Variants in FRMD4A observed in about 807,000 individuals in gnomAD.
The protein encoded by FRMD4A is FERM domain containing 4A.
FRMD4A carries 29 observed loss-of-function variants against 129.1 expected under a neutral mutation model. The ratio of observed to expected loss-of-function variants is 0.22; its 90% CI spans 0.17 to 0.31. The LOEUF is 0.31. Ranked by LOEUF, FRMD4A falls within the 10% of genes least tolerant of loss-of-function variation. FRMD4A has a pLI of 1.00. For synonymous variants in FRMD4A, 634 were observed against 571.6 expected, an observed-to-expected ratio of 1.11 and a Z score of -1.56; for missense variants, 1,272 against 1,375.8, an observed-to-expected ratio of 0.92 and a Z score of 1.19.
At chr10:13,966,113 G>A (rs1033927620) in intron 2 of FRMD4A, among the ~76,000 whole-genome samples, 3 of 151,938 alleles carry the variant, frequency 2.0e-5, no homozygotes, top group Admixed American at 6.6e-5. Flanking sequence ...CCGACCTCCC[G>A]GGTTCAAGCG....
intron 4 of FRMD4A, among the ~76,000 whole-genome samples, chr10:13,809,557 C>A (rs1042526294): frequency 3.3e-5 from 5 of 152,176 alleles, no homozygotes; most frequent in Non-Finnish European, 5.9e-5. Context: ...CCGCACAGCC[C>A]TGAACCTTTC....
chr10:14,237,781 T>C (rs1354445309), intron 2 of FRMD4A, among the ~76,000 whole-genome samples: 1 of 152,206 alleles, frequency 6.6e-6, no homozygotes, highest in Non-Finnish European at 1.5e-5. Context: ...GTTGACCACT[T>C]AAGGTCCCTT....
chr10:13,763,665 TTCTC>T, intron 6 of FRMD4A, among the ~76,000 whole-genome samples: 1 of 152,196 alleles, frequency 6.6e-6, no homozygotes, highest in African/African-American at 2.4e-5. Context: ...AAAATTCCTT[TTCTC>T]TCTCTCTCTT....
chr10:14,018,116 G>A (rs1472737536), intron 2 of FRMD4A, among the ~76,000 whole-genome samples: 2 of 152,060 alleles, frequency 1.3e-5, no homozygotes, highest in Non-Finnish European at 2.9e-5. Flanking sequence ...ACATGAGATA[G>A]CACAGTTCTG....
intron 2 of FRMD4A, among the ~76,000 whole-genome samples, chr10:14,048,659 A>C (rs1189464201): frequency 6.6e-6 from 1 of 152,110 alleles, no homozygotes; most frequent in African/African-American, 2.4e-5. Context: ...TACAAAAATT[A>C]GCCAGGCGTG....
At chr10:14,306,264 AG>A (rs1846348273) in intron 2 of FRMD4A, among the ~76,000 whole-genome samples, 1 of 152,268 alleles carries the variant, frequency 6.6e-6, no homozygotes, top group African/African-American at 2.4e-5. Flanking sequence ...GTTTTAAAGC[AG>A]AAGAGTAAAA....
chr10:13,675,164 G>A (rs909366695), intron 15 of FRMD4A, 120 bp from the exon 16 acceptor site: 5 of 895,098 alleles, frequency 5.6e-6, no homozygotes, highest in South Asian at 1.5e-5. Flanking sequence ...TCAAGGGAGT[G>A]TGAAATAAAA....
intron 2 of FRMD4A, among the ~76,000 whole-genome samples, chr10:14,316,527 G>GAAA (rs1846748462): frequency 8.4e-5 from 3 of 35,682 alleles, no homozygotes; most frequent in Non-Finnish European, 1.4e-4. Context: ...AAAAAAAAAA[G>GAAA]AAGAAGAAGA....
chr10:14,309,666 G>T (rs1223001737), intron 2 of FRMD4A, among the ~76,000 whole-genome samples: 2 of 151,916 alleles, frequency 1.3e-5, no homozygotes, highest in African/African-American at 2.4e-5. Flanking sequence ...CAGCCTCCAG[G>T]CCCCCCTCCT....
At chr10:13,911,976 A>G (rs891718527) in intron 2 of FRMD4A, among the ~76,000 whole-genome samples, 2 of 152,196 alleles carry the variant, frequency 1.3e-5, no homozygotes, top group Non-Finnish European at 2.9e-5. Flanking sequence ...TGAAGCACCC[A>G]AACAGAGAAG....
At chr10:14,285,649 C>T (rs1044829041) in intron 2 of FRMD4A, among the ~76,000 whole-genome samples, 1 of 152,180 alleles carries the variant, frequency 6.6e-6, no homozygotes, top group Non-Finnish European at 1.5e-5. Flanking sequence ...TATAATAATA[C>T]CTCTCAAAGT....
At position 13,863,664 on chromosome 10, in the gene FRMD4A, A is replaced by T. The variant is rs201024098; in HGVS notation, c.46-4752T>A. Reference sequence around the variant, plus strand: ...GTGGACAGGGATTAAGAGGCAAAAAAATATATATATAGGAGTAGATGTGCA... The same window carrying T: ...GTGGACAGGGATTAAGAGGCAAAAATATATATATATAGGAGTAGATGTGCA... On this transcript the variant is annotated intron_variant, in intron 2 of 24. Coordinates refer to ENST00000357447, the MANE Select transcript of FRMD4A (RefSeq NM_018027.5). 1.3e-4 allele frequency among the ~76,000 whole-genome samples: 20 copies of T among 152,142 alleles called. No homozygotes were observed. The East Asian group carries it at 1.5e-3, about 12-fold the overall frequency.
chr10:13,761,315 A>G (rs150592507), intron 8 of FRMD4A, among the ~76,000 whole-genome samples: 1 of 152,212 alleles, frequency 6.6e-6, no homozygotes, highest in Non-Finnish European at 1.5e-5. Context: ...ATCTGCAATC[A>G]TATTTACACC....
chr10:13,707,575 C>T (rs2087593793), intron 12 of FRMD4A: 1 of 989,676 alleles, frequency 1.0e-6, no homozygotes, highest in Non-Finnish European at 1.2e-6. Context: ...ACTGAGCTTC[C>T]TCCCCTCCAG....
rs1235803737 is a variant in FRMD4A, at chr10:13,786,467, G to C, written c.300-3461C>G. On this transcript the variant is annotated intron_variant, in intron 5 of 24. Coordinates refer to ENST00000357447, the MANE Select transcript of FRMD4A (RefSeq NM_018027.5). ...TAAAAATACAAAAAATTAGCCAGGC[G>C]TGGTGGCGGACACCCGTAATCCCAG... Among the ~76,000 whole-genome samples, 5 of 152,120 alleles carry C rather than the reference G, an allele frequency of 3.3e-5. 1 individual carries two copies. Among genetic ancestry groups the C allele is most frequent in the East Asian group, 3.8e-4 (2 of 5,200 alleles).
chr10:14,308,816 G>A (rs1427804697), intron 2 of FRMD4A, among the ~76,000 whole-genome samples: 1 of 152,184 alleles, frequency 6.6e-6, no homozygotes, highest in Admixed American at 6.5e-5. Context: ...ATCAGGTTGG[G>A]CTTGAAGAAA....
chr10:13,794,391 C>CA (rs5783349), intron 5 of FRMD4A, among the ~76,000 whole-genome samples: 33,991 of 102,968 alleles, frequency 0.33, 6,017 homozygotes, highest in South Asian at 0.45. Flanking sequence ...GAATCCGTCT[C>CA]AAAAAAAAAA....
chr10:13,760,710 T>C (rs2092035646), intron 8 of FRMD4A, among the ~76,000 whole-genome samples: 2 of 152,136 alleles, frequency 1.3e-5, no homozygotes, highest in Admixed American at 1.3e-4. Context: ...GACAGGTTCT[T>C]AGATGGAGCA....
chr10:13,884,186 A>ACACACACGCT (rs2094587028), intron 2 of FRMD4A, among the ~76,000 whole-genome samples: 1 of 109,596 alleles, frequency 9.1e-6, no homozygotes, highest in Non-Finnish European at 1.9e-5. Flanking sequence ...TCACACACAC[A>ACACACACGCT]CACACACACT....
Sources: gnomAD v4.1 joint callset for allele counts (sites outside exome capture counted in the v4.1 genomes callset) on GRCh38, gnomAD v4.1.1 for gene constraint, MANE v1.5 for transcripts, NCBI Gene and HGNC (gene_info 2026-07-23, HGNC 2026-07-21) for gene names.